Variants in RSBN1L observed in about 807,000 individuals in gnomAD.
RSBN1L encodes the protein round spermatid basic protein 1 like, also known as lysine-specific demethylase RSBN1L.
A neutral mutation model predicts 67.7 loss-of-function variants in RSBN1L; 30 were observed. That is an observed-to-expected ratio of 0.44 (90% CI 0.33 to 0.60). The LOEUF is 0.60. RSBN1L is among the 20% of genes least tolerant of loss of function. The pLI is 0.02. For missense variants in RSBN1L, 992 were observed against 1,031.7 expected (o/e 0.96, Z 0.53); for synonymous variants, 433 against 387.0 (o/e 1.12, Z -1.39).
chr7:77,715,951 A>C (rs1436223640), intron 1 of RSBN1L, among the ~76,000 whole-genome samples: 1 of 152,058 alleles, frequency 6.6e-6, no homozygotes, highest in Non-Finnish European at 1.5e-5. Context: ...TTGTTTTCTT[A>C]TTATCAAATT....
In RSBN1L at chr7:77,696,514, C is replaced by A; in HGVS notation, c.45C>A (p.Ala15=). Residue 15 remains alanine, a synonymous_variant, in exon 1 of 8, where the codon GCC becomes GCA. Transcript: ENST00000334955. Reference sequence around the variant, plus strand: ...CCGTGCACTGTGTCGCTGCCGCGGCCCCCACCGCCACCGTCTCGGAGAAAG... The same window carrying A: ...CCGTGCACTGTGTCGCTGCCGCGGCACCCACCGCCACCGTCTCGGAGAAAG... ...PSPVHCVAAA[A]PTATVSEKEP... 2 of 1,613,688 alleles carry A rather than the reference C, an allele frequency of 1.2e-6. No homozygotes were observed. Among genetic ancestry groups the A allele is most frequent in the Non-Finnish European group, 1.7e-6 (2 of 1,179,894 alleles).
At chr7:77,764,810 A>G (rs1562808452) in intron 3 of RSBN1L, among the ~76,000 whole-genome samples, 1 of 151,648 alleles carries the variant, frequency 6.6e-6, no homozygotes, top group African/African-American at 2.4e-5. Flanking sequence ...TTTTTGTATT[A>G]TTAGTAGAGA....
intron 3 of RSBN1L, among the ~76,000 whole-genome samples, chr7:77,758,452 G>A (rs1191384981): frequency 6.6e-6 from 1 of 152,126 alleles, no homozygotes; most frequent in Non-Finnish European, 1.5e-5. Flanking sequence ...TGGAGAATGA[G>A]GTGTCCATCT....
At position 77,765,647 on chromosome 7, in the gene RSBN1L, G is replaced by C; in HGVS notation, c.1482+15G>C. The C allele has an allele frequency of 1.9e-6, 3 of 1,556,994 alleles. No homozygotes were observed. Among genetic ancestry groups the C allele is most frequent in the Non-Finnish European group, 2.6e-6 (3 of 1,148,644 alleles). On this transcript the variant is annotated intron_variant, in intron 4 of 7. Transcript: ENST00000334955. ...CATTTTTAAAAGTAAGAGACAATCTGTCATGGGATTAGAGTTTTTTTTTTA... is the reference window on the plus strand; with the variant it reads ...CATTTTTAAAAGTAAGAGACAATCTCTCATGGGATTAGAGTTTTTTTTTTA...
At chr7:77,698,480 C>A (rs1296594308) in intron 1 of RSBN1L, among the ~76,000 whole-genome samples, 1 of 152,092 alleles carries the variant, frequency 6.6e-6, no homozygotes, top group South Asian at 2.1e-4. Context: ...GCTGTAAGTT[C>A]TCTGAAAGAG....
At chr7:77,754,388 A>G (rs1791591182) in intron 3 of RSBN1L, among the ~76,000 whole-genome samples, 1 of 152,188 alleles carries the variant, frequency 6.6e-6, no homozygotes, top group Admixed American at 6.5e-5. Flanking sequence ...ATGCCTTTAC[A>G]ACATTGAGTC....
chr7:77,737,755 G>C (rs561083340), intron 2 of RSBN1L, among the ~76,000 whole-genome samples: 2 of 152,240 alleles, frequency 1.3e-5, no homozygotes, highest in East Asian at 3.9e-4. Context: ...AGGTTCGGTC[G>C]CTCATGCCTG....
intron 1 of RSBN1L, among the ~76,000 whole-genome samples, chr7:77,725,244 C>CTTTGTTTTTTTTTTTT (rs1791183137): frequency 1.4e-5 from 1 of 73,660 alleles, no homozygotes; most frequent in African/African-American, 6.7e-5. Flanking sequence ...AAGCCCCCCA[C>CTTTGTTTTTTTTTTTT]TTTTTTTTTT....
chr7:77,700,885 G>C (rs1331205700), intron 1 of RSBN1L, among the ~76,000 whole-genome samples: 5 of 151,748 alleles, frequency 3.3e-5, no homozygotes, highest in Non-Finnish European at 5.9e-5. Flanking sequence ...GGCCGGGCGC[G>C]GTGGCTCACG....
rs1334262767 is a variant in RSBN1L at position 77,782,544 on chromosome 7, T to G, written c.*3376T>G. On this transcript the variant is annotated 3_prime_UTR_variant, in exon 8 of 8. Transcript: ENST00000334955. ...GCAAACTTTACTGAAGCCATATTCATTATCTTCCTTGTCACCAAGGCTGTT... is the reference window on the plus strand; with the variant it reads ...GCAAACTTTACTGAAGCCATATTCAGTATCTTCCTTGTCACCAAGGCTGTT... 6.6e-6 allele frequency: 1 copy of G among 152,236 alleles called. No individual in the cohort carries two copies. Among genetic ancestry groups the G allele is most frequent in the African/African-American group, 2.4e-5 (1 of 41,458 alleles). The allele number at this position is 152,236 out of a possible 1,614,324, so 9.4% of individuals were successfully genotyped here.
intron 2 of RSBN1L, among the ~76,000 whole-genome samples, chr7:77,738,646 G>T (rs559662156): frequency 6.6e-6 from 1 of 152,204 alleles, no homozygotes; most frequent in South Asian, 2.1e-4. Flanking sequence ...TTAACTTTGT[G>T]ATTAAAAAGC....
At chr7:77,748,518 C>T (rs189236858) in intron 2 of RSBN1L, among the ~76,000 whole-genome samples, 8 of 152,096 alleles carry the variant, frequency 5.3e-5, no homozygotes, top group African/African-American at 9.6e-5. Context: ...GATAGGGTTT[C>T]GCTGTGTCAC....
At chr7:77,732,407 AC>A (rs1322233748) in intron 1 of RSBN1L, among the ~76,000 whole-genome samples, 36 of 152,128 alleles carry the variant, frequency 2.4e-4, no homozygotes, top group Non-Finnish European at 4.4e-4. Flanking sequence ...ATCTTAGTTC[AC>A]TGCAACCTCT....
chr7:77,708,875 T>G (rs1280110638), intron 1 of RSBN1L, among the ~76,000 whole-genome samples: 1 of 152,218 alleles, frequency 6.6e-6, no homozygotes, highest in Non-Finnish European at 1.5e-5. Flanking sequence ...ATGATTGGTA[T>G]ACTTGGACAT....
At chr7:77,729,343 G>A (rs186827441) in intron 1 of RSBN1L, among the ~76,000 whole-genome samples, 3 of 152,188 alleles carry the variant, frequency 2.0e-5, no homozygotes, top group Non-Finnish European at 4.4e-5. Flanking sequence ...AATGAAGGCA[G>A]TGTCCACTAC....
chr7:77,706,880 A>T (rs2150412255), intron 1 of RSBN1L, among the ~76,000 whole-genome samples: 1 of 152,312 alleles, frequency 6.6e-6, no homozygotes, highest in South Asian at 2.1e-4. Context: ...CCAAAAATAA[A>T]AAAGCCCTGC....
chr7:77,736,553 C>A (rs763699080), intron 2 of RSBN1L, 27 bp downstream of exon 2: 17 of 1,245,886 alleles, frequency 1.4e-5, no homozygotes, highest in Non-Finnish European at 1.9e-5. Flanking sequence ...GATTTTAGTT[C>A]TACTTTATTA....
intron 2 of RSBN1L, among the ~76,000 whole-genome samples, chr7:77,738,458 T>G (rs576884295): frequency 1.3e-5 from 2 of 152,176 alleles, no homozygotes; most frequent in South Asian, 4.1e-4. Context: ...ATGGAAAAAT[T>G]TAGGGAAAAT....
At chr7:77,730,103 G>A (rs576051238) in intron 1 of RSBN1L, among the ~76,000 whole-genome samples, 1 of 152,196 alleles carries the variant, frequency 6.6e-6, no homozygotes, top group South Asian at 2.1e-4. Flanking sequence ...TGGGTTGATA[G>A]TAACTTAGTC....
Sources: gnomAD v4.1 joint callset for allele counts (sites outside exome capture counted in the v4.1 genomes callset) on GRCh38, gnomAD v4.1.1 for gene constraint, MANE v1.5 for transcripts, NCBI Gene and HGNC (gene_info 2026-07-23, HGNC 2026-07-21) for gene names.